MPND: variants seen among roughly 807,000 people sequenced by gnomAD.
The protein encoded by MPND is MPN domain-containing protein.
MPND carries 56 observed loss-of-function variants against 59.2 expected under a neutral mutation model. The ratio of observed to expected loss-of-function variants is 0.95; its 90% CI spans 0.76 to 1.18. The LOEUF (loss-of-function observed/expected upper bound fraction) is 1.18. Ranked by LOEUF, MPND falls within the 50% of genes most tolerant of loss-of-function variation. MPND has a pLI of 0.00. For synonymous variants in MPND, 323 were observed against 291.9 expected (o/e 1.11, Z -1.09); for missense variants, 671 against 676.0 (o/e 0.99, Z 0.08).
At chr19:4,359,659 G>A (rs543298301) in intron 12 of MPND, among the ~76,000 whole-genome samples, 21 of 152,294 alleles carry the variant, frequency 1.4e-4, no homozygotes, top group African/African-American at 5.1e-4. Context: ...CAGGCAGGGA[G>A]GGGCTGAAGT....
intron 8 of MPND, 91 bp from the exon 9 acceptor site, chr19:4,357,162 C>T (rs529994385): frequency 7.1e-7 from 1 of 1,400,548 alleles, no homozygotes; most frequent in South Asian, 1.5e-5. Flanking sequence ...GCCTGATACA[C>T]AGCAGGAATT....
At position 4,354,935 on chromosome 19, in the gene MPND, C is replaced by T. The variant is rs1972399917; in HGVS notation, c.847-14C>T. The T allele has an allele frequency of 6.3e-7, 1 of 1,574,852 alleles. No individual in the cohort carries two copies. The highest frequency in any genetic ancestry group is 2.2e-5 in the East Asian group (1 of 44,476). On this transcript the variant is annotated splice_polypyrimidine_tract_variant and intron_variant, in intron 6 of 12. Coordinates refer to ENST00000599840, the MANE Select transcript of MPND (RefSeq NM_001300862.2). The stretch of plus-strand genomic sequence containing the variant: ...CAGCCTGAGCCAGTCTTTTGCTGTT[C>T]CTCCCTTCCCCAGGACTTCCACAGT...
chr19:4,357,616 G>A (rs948231684), intron 10 of MPND, 31 bp downstream of exon 10: 2 of 1,585,344 alleles, frequency 1.3e-6, no homozygotes, highest in African/African-American at 1.3e-5. Flanking sequence ...AGCCTGGGGG[G>A]CCCGGGAGCA....
In MPND at chr19:4,357,310, CCA is replaced by C. The variant is rs772230608; in HGVS notation, c.1059_1060del (p.His353GlnfsTer64). On this transcript the variant is annotated frameshift_variant, in exon 9 of 13. Coordinates refer to ENST00000599840, the MANE Select transcript of MPND (RefSeq NM_001300862.2). LOFTEE classifies it high-confidence loss of function. ...CCTGGTGGGCTGGTACCACAGCCAC[CCA>C]CACAGCCCGGCGCTGCCATCTCTGC... ...LSLVGWYHSH[P>X]HSPALPSLQD... The C allele has an allele frequency of 6.2e-7, 1 of 1,613,112 alleles. No individual in the cohort carries two copies. The highest frequency in any genetic ancestry group is 1.1e-5 in the South Asian group (1 of 91,056).
rs756070455 is a variant in MPND, at chr19:4,355,167, AGAG to A, written c.995_996+1del. ...ACGCAGAGACTGCAGCTGCCATCGA[AGAG>A]GAGGTGAGGGGCTACCTGGGAGGTG... On this transcript the variant is annotated inframe_deletion, in exon 8 of 13. Transcript: ENST00000599840. The A allele has an allele frequency of 1.9e-6, 3 of 1,612,742 alleles. No individual in the cohort carries two copies. The highest frequency in any genetic ancestry group is 2.5e-6 in the Non-Finnish European group (3 of 1,179,928).
chr19:4,343,939 T>C lies in MPND; in HGVS notation c.239T>C (p.Leu80Pro), dbSNP rs1972128443. 2.2e-6 allele frequency: 3 copies of C among 1,372,328 alleles called. No individual in the cohort carries two copies. The highest frequency in any genetic ancestry group is 9.4e-7 in the Non-Finnish European group (1 of 1,060,618). The allele number at this position is 1,372,328 out of a possible 1,614,324, so 85.0% of individuals were successfully genotyped here. The change falls in exon 2 of 13, where the codon CTC becomes CCC. Residue 80 changes from leucine (L) to proline (P), a missense_variant. Leu to Pro is a moderately conservative substitution (Grantham distance 98). Transcript: ENST00000599840. ...LTRRAVTLRV[L>P]LKDALLEPGA... ...AGGCGCGCGGTCACACTGCGGGTGC[T>C]CCTCAAAGACGCGCTGCTGGAGCCT...
At chr19:4,359,277 ACCTC>A (rs2144844263) in intron 12 of MPND, 22 bp downstream of exon 12, 2 of 1,597,396 alleles carry the variant, frequency 1.3e-6, no homozygotes, top group Non-Finnish European at 8.6e-7. Context: ...GTCCCCGCAG[ACCTC>A]CTAACGGGGC....
rs528995125 is a variant in MPND, at chr19:4,356,056, G to A, written c.996+883G>A. On this transcript the variant is annotated intron_variant, in intron 8 of 12. Transcript: ENST00000599840. ...TTTAGTTGAGACAGGGTTTCACCAT[G>A]TTGGCCAGGCTGGTTTCAAACTCCT... Among the ~76,000 whole-genome samples the A allele has an allele frequency of 9.2e-4, 137 of 149,260 alleles. 1 individual carries two copies. Among genetic ancestry groups the A allele is most frequent in the African/African-American group, 3.4e-3 (137 of 40,390 alleles).
chr19:4,357,487 G>A, intron 9 of MPND, 28 bp from the exon 10 acceptor site: 3 of 1,611,588 alleles, frequency 1.9e-6, no homozygotes, highest in Non-Finnish European at 1.7e-6. Context: ...GCCTCCCAGG[G>A]CCAACCCCTC....
chr19:4,352,185 AAAGAT>A (rs1258215418), intron 3 of MPND, among the ~76,000 whole-genome samples: 16 of 152,104 alleles, frequency 1.1e-4, no homozygotes, highest in Non-Finnish European at 2.4e-4. Flanking sequence ...AGAAAAAAAA[AAAGAT>A]AAAAGAATAG....
At chr19:4,346,922 C>T (rs1171908618) in intron 3 of MPND, among the ~76,000 whole-genome samples, 4 of 151,844 alleles carry the variant, frequency 2.6e-5, no homozygotes, top group Non-Finnish European at 1.5e-5. Flanking sequence ...CCCAGCTACT[C>T]GGGAGGCTGA....
At chr19:4,355,834 A>G (rs574126755) in intron 8 of MPND, among the ~76,000 whole-genome samples, 6 of 149,382 alleles carry the variant, frequency 4.0e-5, no homozygotes, top group African/African-American at 1.5e-4. Flanking sequence ...CTGGGATTAC[A>G]GGTGTGAGCC....
In MPND at chr19:4,353,065, G is replaced by A. The variant is rs188571866; in HGVS notation, c.664+36G>A. On this transcript the variant is annotated intron_variant, in intron 4 of 12. Coordinates refer to ENST00000599840, the MANE Select transcript of MPND (RefSeq NM_001300862.2). Reference sequence around the variant, plus strand: ...TGGGGAGGGGAGGCAGGACAGGGGCGGATACAGCTCGGGTTGGGGAGGAGA... The same window carrying A: ...TGGGGAGGGGAGGCAGGACAGGGGCAGATACAGCTCGGGTTGGGGAGGAGA... 388 of 1,318,638 alleles carry A rather than the reference G, an allele frequency of 2.9e-4. 1 individual carries two copies. The East Asian group carries it at 7.1e-3, about 24-fold the overall frequency. The allele number at this position is 1,318,638 out of a possible 1,614,324, so 81.7% of individuals were successfully genotyped here.
intron 4 of MPND, 125 bp downstream of exon 4, chr19:4,353,154 C>G: frequency 1.3e-6 from 1 of 760,708 alleles, no homozygotes; most frequent in Non-Finnish European, 1.8e-6. Flanking sequence ...GGAGAGTCAG[C>G]TGGGCCCTAA....
At chr19:4,359,751 A>G (rs998019498) in intron 12 of MPND, among the ~76,000 whole-genome samples, 165 bp from the exon 13 acceptor site, 8 of 152,050 alleles carry the variant, frequency 5.3e-5, no homozygotes, top group African/African-American at 1.9e-4. Flanking sequence ...CCTCGGTTAC[A>G]TACTGCCCCA....
Position 4,358,190 on chromosome 19 carries a change from C to CGGGCAGGCAG in MPND, c.1326+23_1326+32dup. 1 of 1,547,926 alleles carries CGGGCAGGCAG rather than the reference C, an allele frequency of 6.5e-7. No individual in the cohort carries two copies. The highest frequency in any genetic ancestry group is 1.2e-5 in the South Asian group (1 of 83,996). On this transcript the variant is annotated intron_variant, in intron 11 of 12. Transcript: ENST00000599840. The stretch of plus-strand genomic sequence containing the variant: ...ACGAGATGGTGAGCTCGCTGCGGGG[C>CGGGCAGGCAG]GGGCAGGCAGGGGCTGGCAGTGCGC...
intron 11 of MPND, among the ~76,000 whole-genome samples, chr19:4,358,735 C>T (rs990545078): frequency 1.1e-4 from 16 of 152,252 alleles, no homozygotes; most frequent in African/African-American, 3.1e-4. Flanking sequence ...TACAGTGAGC[C>T]GAGATCACGC....
intron 8 of MPND, chr19:4,356,920 G>T (rs185557449): frequency 4.5e-6 from 1 of 219,858 alleles, no homozygotes; most frequent in African/African-American, 2.3e-5. Flanking sequence ...GATTATAGGC[G>T]TGAGCCACTG....
Position 4,354,056 on chromosome 19 carries a change from C to G in MPND, c.676C>G (p.Pro226Ala), listed in dbSNP as rs1972377699. The G allele has an allele frequency of 6.2e-7, 1 of 1,613,306 alleles. No individual in the cohort carries two copies. The highest frequency in any genetic ancestry group is 2.2e-5 in the East Asian group (1 of 44,844). ...TTTTTCTCTCCCAGAGGCCACAACC[C>G]CAGGGAAGCGGGTGGACAGCAAGAT... Reference protein sequence around the residue: ...SEPAHPEATTPGKRVDSKIRV... With the variant: ...SEPAHPEATTAGKRVDSKIRV... Residue 226 changes from proline (P) to alanine (A), a missense_variant, in exon 5 of 13, where the codon CCA becomes GCA. Physicochemically the swap from Pro to Ala is conservative, Grantham distance 27. Coordinates refer to ENST00000599840, the MANE Select transcript of MPND (RefSeq NM_001300862.2).
Sources: allele counts gnomAD v4.1 joint callset (sites outside exome capture counted in the v4.1 genomes callset), GRCh38; gene constraint gnomAD v4.1.1; transcripts MANE v1.5; gene names NCBI Gene and HGNC (gene_info 2026-07-23, HGNC 2026-07-21).